The following FABP12 variants were observed in gnomAD, a reference collection of about 807,000 sequenced individuals.
FABP12 encodes fatty acid binding protein 12, also known as fatty acid-binding protein 12.
In FABP12, 19 loss-of-function variants were observed where a neutral mutation model predicts 13.7. That is an observed-to-expected ratio of 1.39 (90% CI 0.97 to 2.04). The LOEUF (loss-of-function observed/expected upper bound fraction) is 2.04. Among genes scored for constraint, FABP12 ranks in the 30% most tolerant of loss-of-function variants. FABP12 has a pLI of 0.00. For missense variants in FABP12, 182 were observed against 164.2 expected (o/e 1.11, Z -0.59); for synonymous variants, 61 against 57.0 (o/e 1.07, Z -0.32).
chr8:81,585,063 G>T (rs933359248), intron 1 of FABP12, among the ~76,000 whole-genome samples: 1 of 152,114 alleles, frequency 6.6e-6, no homozygotes, highest in African/African-American at 2.4e-5. Flanking sequence ...TGTTTCTTTT[G>T]TTGTGCAGAA....
chr8:81,525,461 A>C (rs924611578), intron 4 of FABP12, among the ~76,000 whole-genome samples: 1 of 151,832 alleles, frequency 6.6e-6, no homozygotes, highest in Non-Finnish European at 1.5e-5. Flanking sequence ...TGTTGCAGTG[A>C]GCCAAGATCA....
chr8:81,561,347 C>A (rs145711156), intron 1 of FABP12, among the ~76,000 whole-genome samples: 86 of 152,244 alleles, frequency 5.6e-4, no homozygotes, highest in African/African-American at 2.1e-3. Context: ...AATAAAGTGG[C>A]ATAAACTGAT....
intron 1 of FABP12, among the ~76,000 whole-genome samples, chr8:81,588,564 T>G (rs1433693453): frequency 6.6e-6 from 1 of 152,196 alleles, no homozygotes; most frequent in Non-Finnish European, 1.5e-5. Flanking sequence ...CTTTATGTCT[T>G]TCTAAGTATA....
intron 3 of FABP12, 95 bp downstream of exon 3, chr8:81,529,343 C>T (rs1480081413): frequency 1.6e-6 from 2 of 1,244,484 alleles, no homozygotes; most frequent in Non-Finnish European, 2.4e-6. Context: ...CTCTTAAGGA[C>T]TTTAGATATG....
intron 1 of FABP12, among the ~76,000 whole-genome samples, chr8:81,578,877 T>G (rs1810105194): frequency 7.8e-6 from 1 of 128,326 alleles, no homozygotes; most frequent in Non-Finnish European, 1.6e-5. Flanking sequence ...CAAGCTGGAG[T>G]GCAGTGGCAC....
intron 1 of FABP12, among the ~76,000 whole-genome samples, chr8:81,541,432 A>G (rs1006298354): frequency 5.9e-5 from 9 of 152,232 alleles, no homozygotes; most frequent in African/African-American, 1.9e-4. Flanking sequence ...TGAAATACAT[A>G]TCAGTTTCGA....
intron 1 of FABP12, among the ~76,000 whole-genome samples, chr8:81,552,209 GAAGA>G (rs1001828075): frequency 3.3e-5 from 5 of 152,148 alleles, no homozygotes; most frequent in African/African-American, 1.2e-4. Context: ...GTGAGAAAAA[GAAGA>G]AAGTGGGGAA....
intron 1 of FABP12, 130 bp from the exon 2 acceptor site, chr8:81,531,520 A>G (rs977329769): frequency 2.9e-5 from 15 of 525,984 alleles, no homozygotes; most frequent in Non-Finnish European, 4.0e-5. Flanking sequence ...ATTTAAATAC[A>G]TCAGGATGAA....
intron 1 of FABP12, among the ~76,000 whole-genome samples, chr8:81,541,891 T>A (rs1809351208): frequency 7.7e-6 from 1 of 129,962 alleles, no homozygotes; most frequent in Admixed American, 8.9e-5. Context: ...AGGACTGGAC[T>A]TCCAGGAGTC....
chr8:81,579,967 C>CA (rs1260951916), intron 1 of FABP12, among the ~76,000 whole-genome samples: 1 of 152,114 alleles, frequency 6.6e-6, no homozygotes, highest in African/African-American at 2.4e-5. Flanking sequence ...TCTTCTGAGA[C>CA]AAAACTGAGC....
intron 3 of FABP12, among the ~76,000 whole-genome samples, chr8:81,527,511 T>C (rs963201116): frequency 6.6e-6 from 1 of 151,950 alleles, no homozygotes; most frequent in South Asian, 2.1e-4. Context: ...TACAGGCACA[T>C]ACCACCACGC....
intron 1 of FABP12, chr8:81,532,852 A>G (rs1204092170): frequency 6.6e-6 from 1 of 152,320 alleles, no homozygotes; most frequent in East Asian, 1.9e-4. Flanking sequence ...ACAAAACAAA[A>G]CAAAAAGCCT....
At chr8:81,525,575 A>AGATAGATAGATC (rs1554576064) in intron 4 of FABP12, among the ~76,000 whole-genome samples, 16 of 151,328 alleles carry the variant, frequency 1.1e-4, no homozygotes, top group African/African-American at 3.9e-4. Flanking sequence ...ATAGATAGAT[A>AGATAGATAGATC]GATCTATATA....
intron 1 of FABP12, among the ~76,000 whole-genome samples, chr8:81,542,710 A>G (rs1347097430): frequency 6.6e-6 from 1 of 152,166 alleles, no homozygotes; most frequent in Non-Finnish European, 1.5e-5. Flanking sequence ...ACTAATCCAT[A>G]TTTACGCATG....
intron 4 of FABP12, among the ~76,000 whole-genome samples, chr8:81,525,328 C>T (rs551666440): frequency 5.3e-5 from 8 of 152,088 alleles, no homozygotes; most frequent in African/African-American, 1.7e-4. Flanking sequence ...CCAGCCTGGC[C>T]AACACGGTGA....
intron 1 of FABP12, among the ~76,000 whole-genome samples, chr8:81,584,821 T>C (rs543136120): frequency 6.6e-6 from 1 of 152,306 alleles, no homozygotes; most frequent in Admixed American, 6.5e-5. Context: ...TAGATAATAA[T>C]CTTTTTGAGG....
intron 4 of FABP12, chr8:81,526,297 T>C (rs1307182131): frequency 6.6e-6 from 1 of 152,120 alleles, no homozygotes; most frequent in East Asian, 1.9e-4. Context: ...AGAAGGAAAA[T>C]CATGAACACA....
intron 1 of FABP12, among the ~76,000 whole-genome samples, chr8:81,559,563 TC>T (rs1809682293): frequency 6.6e-6 from 1 of 152,144 alleles, no homozygotes; most frequent in Non-Finnish European, 1.5e-5. Flanking sequence ...GTAGCTTCTT[TC>T]CCTTGCCATG....
intron 1 of FABP12, among the ~76,000 whole-genome samples, chr8:81,589,863 T>A (rs1419874449): frequency 6.6e-6 from 1 of 152,236 alleles, no homozygotes; most frequent in Non-Finnish European, 1.5e-5. Context: ...TAAATATAGA[T>A]GCTTTCTTGA....
Sources: allele counts gnomAD v4.1 joint callset (sites outside exome capture counted in the v4.1 genomes callset), GRCh38; gene constraint gnomAD v4.1.1; transcripts MANE v1.5; gene names NCBI Gene and HGNC (gene_info 2026-07-23, HGNC 2026-07-21).